Variants in CCDC149 observed in about 807,000 individuals in gnomAD.
The protein encoded by CCDC149 is coiled-coil domain containing 149.
Under a neutral mutation model 59.9 loss-of-function variants are expected in CCDC149, and 45 were observed. The observed-to-expected ratio is 0.75, with a 90% CI of 0.59 to 0.96. The LOEUF is 0.96. CCDC149 is among the 40% of genes least tolerant of loss of function. The pLI, the probability that CCDC149 is intolerant of heterozygous loss-of-function variation, is 0.00. For missense variants in CCDC149, 584 were observed against 664.7 expected (o/e 0.88, Z 1.33); for synonymous variants, 245 against 260.6 (o/e 0.94, Z 0.58).
chr4:24,937,504 AT>A, intron 1 of CCDC149, among the ~76,000 whole-genome samples: 1 of 152,334 alleles, frequency 6.6e-6, no homozygotes, highest in East Asian at 1.9e-4. Flanking sequence ...AAAAACCCAT[AT>A]CTCAAAGGCC....
At chr4:24,926,490 G>A (rs1722436215) in intron 1 of CCDC149, among the ~76,000 whole-genome samples, 1 of 152,008 alleles carries the variant, frequency 6.6e-6, no homozygotes, top group Non-Finnish European at 1.5e-5. Flanking sequence ...CTTCCCTCAG[G>A]GGCTTCCAGA....
At chr4:24,937,520 TA>T (rs1366776348) in intron 1 of CCDC149, among the ~76,000 whole-genome samples, 5 of 152,240 alleles carry the variant, frequency 3.3e-5, no homozygotes, top group Non-Finnish European at 7.3e-5. Flanking sequence ...AAGGCCTAGC[TA>T]AAAAAGATTT....
At chr4:24,838,879 TG>T (rs1200350908) in intron 4 of CCDC149, among the ~76,000 whole-genome samples, 2 of 152,050 alleles carry the variant, frequency 1.3e-5, no homozygotes, top group African/African-American at 4.8e-5. Flanking sequence ...AATTTGCAGC[TG>T]TCTGAAATGA....
chr4:24,920,957 G>A (rs1002145245), intron 1 of CCDC149, among the ~76,000 whole-genome samples: 13 of 152,152 alleles, frequency 8.5e-5, no homozygotes, highest in Non-Finnish European at 1.5e-4. Context: ...AAGAAGGTGG[G>A]ACTGGCAGCA....
At chr4:24,978,361 A>G (rs1214655478) in intron 1 of CCDC149, among the ~76,000 whole-genome samples, 10 of 152,322 alleles carry the variant, frequency 6.6e-5, no homozygotes, top group South Asian at 2.1e-4. Context: ...CTACTGAGTT[A>G]AATAAAGTAC....
intron 1 of CCDC149, among the ~76,000 whole-genome samples, chr4:24,889,964 T>C (rs1292751797): frequency 6.6e-6 from 1 of 152,186 alleles, no homozygotes; most frequent in Non-Finnish European, 1.5e-5. Context: ...GTGCTTCCAC[T>C]TTATAGATGA....
chr4:24,919,173 G>T (rs1394995625), intron 1 of CCDC149, among the ~76,000 whole-genome samples: 1 of 152,160 alleles, frequency 6.6e-6, no homozygotes, highest in Non-Finnish European at 1.5e-5. Context: ...GCTTAGCAGG[G>T]TCTCCTTTAA....
upstream of CCDC149, among the ~76,000 whole-genome samples, chr4:24,913,187 A>G (rs946927883): frequency 3.3e-5 from 5 of 151,962 alleles, no homozygotes; most frequent in African/African-American, 1.2e-4. Context: ...GGCAAGGGGA[A>G]GCCAGGGTCT....
intron 1 of CCDC149, among the ~76,000 whole-genome samples, chr4:24,909,587 T>G (rs913367849): frequency 6.6e-6 from 1 of 152,186 alleles, no homozygotes; most frequent in African/African-American, 2.4e-5. Flanking sequence ...TGATATGGTT[T>G]GGCTCTGTGT....
intron 1 of CCDC149, among the ~76,000 whole-genome samples, chr4:24,912,088 C>T (rs1577480283): frequency 6.6e-6 from 1 of 152,128 alleles, no homozygotes. Context: ...CAGCTTCTCC[C>T]GGCAGGCCGG....
At chr4:24,942,865 G>A in intron 1 of CCDC149, among the ~76,000 whole-genome samples, 1 of 151,936 alleles carries the variant, frequency 6.6e-6, no homozygotes, top group Non-Finnish European at 1.5e-5. Flanking sequence ...TCTTCAAGGA[G>A]AACTACAAAC....
intron 1 of CCDC149, among the ~76,000 whole-genome samples, chr4:24,941,536 TAACTA>T (rs1326380539): frequency 6.6e-6 from 1 of 151,770 alleles, no homozygotes; most frequent in East Asian, 1.9e-4. Flanking sequence ...AGGCAAGAAA[TAACTA>T]AGATCAGAGC....
intron 1 of CCDC149, among the ~76,000 whole-genome samples, chr4:24,936,620 A>G (rs558775380): frequency 1.3e-5 from 2 of 152,276 alleles, no homozygotes; most frequent in South Asian, 4.1e-4. Context: ...GTTATTTTCT[A>G]TAGTTACTCT....
At chr4:24,928,119 T>C (rs1722480057) in intron 1 of CCDC149, among the ~76,000 whole-genome samples, 1 of 152,232 alleles carries the variant, frequency 6.6e-6, no homozygotes, top group Admixed American at 6.5e-5. Context: ...CTTTATGTCT[T>C]TGCATATAAA....
At chr4:24,856,722 C>T (rs1217116913) in intron 3 of CCDC149, among the ~76,000 whole-genome samples, 1 of 152,242 alleles carries the variant, frequency 6.6e-6, no homozygotes, top group African/African-American at 2.4e-5. Flanking sequence ...CTGGTTCCCC[C>T]TCTCCATCCA....
At chr4:24,907,050 T>C (rs1408661513) in intron 1 of CCDC149, among the ~76,000 whole-genome samples, 1 of 152,220 alleles carries the variant, frequency 6.6e-6, no homozygotes, top group Admixed American at 6.5e-5. Flanking sequence ...TGGCTTCATA[T>C]GCAGATTACA....
chr4:24,876,533 T>A lies in CCDC149; in HGVS notation c.225+3A>T, dbSNP rs749177383. 35 of 1,612,582 alleles carry A rather than the reference T, an allele frequency of 2.2e-5. No homozygotes were observed. In the Admixed American group the frequency reaches 3.8e-4, roughly 18 times the overall value. On this transcript the variant is annotated splice_donor_region_variant and intron_variant, in intron 2 of 12. Transcript: ENST00000635206. ...TCGCTGAACAGGGCAGCCTAACACT[T>A]ACAATCAGCTCTCGGTACTTCTTCT...
At chr4:24,932,311 A>G (rs28445564) in intron 1 of CCDC149, among the ~76,000 whole-genome samples, 15,291 of 152,154 alleles carry the variant, frequency 0.1, 1,409 homozygotes, top group East Asian at 0.28. Context: ...AAGTTTCAGC[A>G]CTGCCAGATT....
At chr4:24,836,057 C>T (rs568343044) in intron 7 of CCDC149, among the ~76,000 whole-genome samples, 2 of 152,224 alleles carry the variant, frequency 1.3e-5, no homozygotes, top group South Asian at 2.1e-4. Flanking sequence ...TGGGTGATTA[C>T]GACAGAAATA....
Sources: allele counts gnomAD v4.1 joint callset (sites outside exome capture counted in the v4.1 genomes callset), GRCh38; gene constraint gnomAD v4.1.1; transcripts MANE v1.5; gene names NCBI Gene and HGNC (gene_info 2026-07-23, HGNC 2026-07-21).